The following PCDH9 variants were observed in gnomAD, a reference collection of about 807,000 sequenced individuals.
The protein encoded by PCDH9 is protocadherin-9.
In PCDH9, 24 loss-of-function variants were observed where a neutral mutation model predicts 70.6. The observed-to-expected ratio is 0.34, with a 90% CI of 0.25 to 0.48. The LOEUF is 0.48. Ranked by LOEUF, PCDH9 falls within the 20% of genes least tolerant of loss-of-function variation. PCDH9 has a pLI of 0.99. For missense variants in PCDH9, 1,281 were observed against 1,503.6 expected (o/e 0.85, Z 2.45); for synonymous variants, 562 against 558.5 (o/e 1.01, Z -0.09).
At chr13:66,380,890 G>C (rs941319171) in intron 4 of PCDH9, among the ~76,000 whole-genome samples, 15 of 152,112 alleles carry the variant, frequency 9.9e-5, no homozygotes, top group Admixed American at 9.8e-4. Context: ...TCCATGGTCT[G>C]TAAGATATGA....
intron 2 of PCDH9, among the ~76,000 whole-genome samples, chr13:67,003,067 C>A (rs1402935375): frequency 1.3e-5 from 2 of 151,992 alleles, no homozygotes; most frequent in Admixed American, 6.6e-5. Context: ...ATGAAACCAC[C>A]TTGACCTTTA....
At chr13:66,596,807 T>C (rs187582555) in intron 4 of PCDH9, among the ~76,000 whole-genome samples, 58 of 144,312 alleles carry the variant, frequency 4.0e-4, no homozygotes, top group Admixed American at 3.8e-3. Context: ...ACCTCTTTTA[T>C]AATACAAAAA....
intron 4 of PCDH9, among the ~76,000 whole-genome samples, chr13:66,334,947 C>A (rs546048791): frequency 6.6e-6 from 1 of 151,978 alleles, no homozygotes; most frequent in African/African-American, 2.4e-5. Flanking sequence ...TAGTTTTACT[C>A]CCCCAAAATA....
intron 3 of PCDH9, among the ~76,000 whole-genome samples, chr13:66,736,565 T>C (rs1242336847): frequency 6.6e-6 from 1 of 152,210 alleles, no homozygotes; most frequent in Admixed American, 6.5e-5. Flanking sequence ...TGTGACATTT[T>C]ACTATGGCAG....
intron 4 of PCDH9, among the ~76,000 whole-genome samples, chr13:66,522,590 T>C (rs550581587): frequency 3.9e-4 from 60 of 151,948 alleles, no homozygotes; most frequent in Non-Finnish European, 6.6e-4. Context: ...TTTGCAAATA[T>C]AGTTAAAGAG....
intron 3 of PCDH9, among the ~76,000 whole-genome samples, chr13:66,711,121 C>T (rs576603344): frequency 3.3e-5 from 5 of 152,250 alleles, no homozygotes; most frequent in Admixed American, 6.5e-5. Flanking sequence ...CCCCACAGTA[C>T]GTTGAAAACT....
At chr13:66,341,087 T>G (rs1309448498) in intron 4 of PCDH9, among the ~76,000 whole-genome samples, 2 of 152,182 alleles carry the variant, frequency 1.3e-5, no homozygotes, top group Non-Finnish European at 2.9e-5. Context: ...TACTCATAAA[T>G]GAAAATGACT....
intron 2 of PCDH9, among the ~76,000 whole-genome samples, chr13:67,081,597 T>C (rs2085984639): frequency 6.6e-6 from 1 of 152,018 alleles, no homozygotes; most frequent in Non-Finnish European, 1.5e-5. Context: ...AAAAAACAGA[T>C]AACAAAACAT....
intron 2 of PCDH9, among the ~76,000 whole-genome samples, chr13:67,010,665 C>A (rs1448362098): frequency 6.6e-6 from 1 of 151,924 alleles, no homozygotes; most frequent in Non-Finnish European, 1.5e-5. Context: ...GTATGCATTG[C>A]CCAATTCATG....
chr13:66,826,794 G>C (rs571571949), intron 3 of PCDH9, among the ~76,000 whole-genome samples: 2 of 152,292 alleles, frequency 1.3e-5, no homozygotes, highest in East Asian at 3.9e-4. Context: ...CTTAAAGGAT[G>C]AGACTAATCA....
chr13:66,976,809 T>C (rs995619692), intron 2 of PCDH9, among the ~76,000 whole-genome samples: 2 of 152,134 alleles, frequency 1.3e-5, no homozygotes, highest in Non-Finnish European at 2.9e-5. Context: ...ATAAATCTGA[T>C]GTTTGGGAAA....
intron 2 of PCDH9, among the ~76,000 whole-genome samples, chr13:67,183,124 T>C (rs2088660451): frequency 1.3e-5 from 2 of 152,162 alleles, no homozygotes; most frequent in South Asian, 4.1e-4. Context: ...ATTTTATGCC[T>C]GGCACTTTAA....
At chr13:66,979,692 T>C (rs1006366124) in intron 2 of PCDH9, among the ~76,000 whole-genome samples, 3 of 152,290 alleles carry the variant, frequency 2.0e-5, no homozygotes, top group African/African-American at 7.2e-5. Context: ...CAGCCACCTA[T>C]TCTGATCATA....
chr13:67,026,859 G>C (rs2084792552), intron 2 of PCDH9, among the ~76,000 whole-genome samples: 1 of 152,106 alleles, frequency 6.6e-6, no homozygotes, highest in Non-Finnish European at 1.5e-5. Flanking sequence ...ACTTACAAGG[G>C]ACGTGAAGGA....
intron 3 of PCDH9, among the ~76,000 whole-genome samples, chr13:66,886,664 C>A (rs2082009386): frequency 6.6e-6 from 1 of 152,058 alleles, no homozygotes; most frequent in Non-Finnish European, 1.5e-5. Context: ...TAATATTCAT[C>A]TATGAAAGAA....
intron 3 of PCDH9, among the ~76,000 whole-genome samples, chr13:66,668,450 T>C (rs1011891714): frequency 1.3e-5 from 2 of 152,158 alleles, no homozygotes; most frequent in Admixed American, 1.3e-4. Context: ...AAAACTGCTC[T>C]CCACTGAAGG....
intron 2 of PCDH9, among the ~76,000 whole-genome samples, chr13:67,147,566 G>A (rs774917021): frequency 4.6e-5 from 7 of 152,124 alleles, no homozygotes; most frequent in South Asian, 2.1e-4. Context: ...GTTCACAGCC[G>A]TGTTAATAAG....
intron 4 of PCDH9, among the ~76,000 whole-genome samples, chr13:66,563,624 A>G (rs931626441): frequency 6.6e-6 from 1 of 152,092 alleles, no homozygotes; most frequent in African/African-American, 2.4e-5. Flanking sequence ...TGGGTGTCAC[A>G]TATTGTGCCC....
chr13:66,772,745 T>G (rs1442195978), intron 3 of PCDH9, among the ~76,000 whole-genome samples: 2 of 152,008 alleles, frequency 1.3e-5, no homozygotes, highest in African/African-American at 2.4e-5. Flanking sequence ...GTTAAAAATA[T>G]TTTGATTGTT....
Sources: gnomAD v4.1 joint callset for allele counts (sites outside exome capture counted in the v4.1 genomes callset) on GRCh38, gnomAD v4.1.1 for gene constraint, MANE v1.5 for transcripts, NCBI Gene and HGNC (gene_info 2026-07-23, HGNC 2026-07-21) for gene names.